The following TMCO5A variants were observed in gnomAD, a reference collection of about 807,000 sequenced individuals.
TMCO5A encodes the protein transmembrane and coiled-coil domains 5A.
Under a neutral mutation model 42.3 loss-of-function variants are expected in TMCO5A, and 34 were observed. That is an observed-to-expected ratio of 0.80 (90% CI 0.61 to 1.07). The LOEUF (loss-of-function observed/expected upper bound fraction) is 1.07, where lower values mean the gene tolerates loss of function less well. TMCO5A is among the 50% of genes least tolerant of loss of function. TMCO5A has a pLI of 0.00. For synonymous variants in TMCO5A, 131 were observed against 115.6 expected (o/e 1.13, Z -0.86); for missense variants, 357 against 327.9 (o/e 1.09, Z -0.69).
chr15:37,960,848 C>T (rs1890406413), intron 11 of TMCO5A, among the ~76,000 whole-genome samples: 1 of 152,104 alleles, frequency 6.6e-6, no homozygotes, highest in Non-Finnish European at 1.5e-5. Context: ...ATTGTCTATT[C>T]ATGCCCTTAG....
At chr15:37,980,622 A>G in the TMCO5A span, among the ~76,000 whole-genome samples, 1 of 118,428 alleles carries the variant, frequency 8.4e-6, no homozygotes, top group Non-Finnish European at 1.6e-5. Flanking sequence ...AGCCGCTTCT[A>G]GTCAGCCATC....
At chr15:37,991,731 A>G in the TMCO5A span, among the ~76,000 whole-genome samples, 1 of 152,254 alleles carries the variant, frequency 6.6e-6, no homozygotes, top group Middle Eastern at 3.4e-3. Context: ...ATCTTTGACA[A>G]AGCTGACAAA....
chr15:37,970,752 C>A (rs141822983), downstream of TMCO5A, among the ~76,000 whole-genome samples: 63 of 152,284 alleles, frequency 4.1e-4, no homozygotes, highest in Non-Finnish European at 8.2e-4. Context: ...GGCTACAGGC[C>A]CCATACAAGT....
At chr15:37,989,673 T>G in the TMCO5A span, among the ~76,000 whole-genome samples, 1 of 152,212 alleles carries the variant, frequency 6.6e-6, no homozygotes, top group Non-Finnish European at 1.5e-5. Flanking sequence ...AATACATTTG[T>G]GCTGCTATAA....
the TMCO5A span, among the ~76,000 whole-genome samples, chr15:38,010,598 G>A: frequency 6.6e-6 from 1 of 152,008 alleles, no homozygotes. Context: ...TGCTAACACC[G>A]TAATTTCAGC....
intron 11 of TMCO5A, among the ~76,000 whole-genome samples, chr15:37,959,037 T>C (rs145664027): frequency 0.016 from 2,429 of 151,796 alleles, 74 homozygotes; most frequent in African/African-American, 0.055. Context: ...CCAAACACCA[T>C]ATGTTCTCAC....
the TMCO5A span, among the ~76,000 whole-genome samples, chr15:38,018,614 T>TA: frequency 6.6e-6 from 1 of 151,704 alleles, no homozygotes; most frequent in Non-Finnish European, 1.5e-5. Flanking sequence ...AAGATAGGTC[T>TA]AAAAAATTCC....
the TMCO5A span, among the ~76,000 whole-genome samples, chr15:38,011,194 T>C: frequency 2.0e-5 from 3 of 152,296 alleles, no homozygotes; most frequent in Non-Finnish European, 4.4e-5. Context: ...AATCAAGATA[T>C]CGGCAGAGGC....
chr15:37,967,539 CAT>C (rs1890584321), exon 12 of TMCO5A: 1 of 152,066 alleles, frequency 6.6e-6, no homozygotes, highest in African/African-American at 2.4e-5. Flanking sequence ...AAGGAGGAAG[CAT>C]AGAGAGTAGA....
chr15:37,997,794 T>C, the TMCO5A span, among the ~76,000 whole-genome samples: 1 of 152,214 alleles, frequency 6.6e-6, no homozygotes, highest in Non-Finnish European at 1.5e-5. Context: ...CAAACTGTTC[T>C]CCATAGTGGA....
the TMCO5A span, among the ~76,000 whole-genome samples, chr15:37,982,988 C>T: frequency 6.6e-6 from 1 of 151,934 alleles, no homozygotes; most frequent in Non-Finnish European, 1.5e-5. Flanking sequence ...CTTTCCCCTC[C>T]TCATCGTAGC....
At chr15:37,937,570 TA>T (rs1236185528) in intron 5 of TMCO5A, among the ~76,000 whole-genome samples, 174 bp downstream of exon 5, 12 of 152,036 alleles carry the variant, frequency 7.9e-5, no homozygotes, top group African/African-American at 2.7e-4. Context: ...ACCTAAATGT[TA>T]GGGATTTTCT....
intron 7 of TMCO5A, 41 bp downstream of exon 7, chr15:37,941,246 G>A: frequency 6.3e-7 from 1 of 1,588,772 alleles, no homozygotes; most frequent in Non-Finnish European, 8.6e-7. Flanking sequence ...CCCAAAAAGG[G>A]AAATGTGATC....
the TMCO5A span, among the ~76,000 whole-genome samples, chr15:38,008,923 T>C: frequency 6.6e-6 from 1 of 152,016 alleles, no homozygotes; most frequent in Non-Finnish European, 1.5e-5. Flanking sequence ...AAACAAAAGC[T>C]CAAGAAATCA....
Position 37,951,144 on chromosome 15 carries a change from C to T in TMCO5A, c.777C>T (p.Pro259=), listed in dbSNP as rs201358156. The change falls in exon 12 of 12, where the codon CCC becomes CCT. Residue 259 remains proline (P), a synonymous_variant. Transcript: ENST00000319669. The stretch of plus-strand genomic sequence containing the variant: ...CAGATCTCCTCGTCAATGTACTGCC[C>T]AAGGTACTGGGCAGGAGCACCTTGT... The part of the protein sequence containing the change: ...INPDLLVNVL[P]KVLGRSTLWK... 1.1e-5 allele frequency: 17 copies of T among 1,613,778 alleles called. No homozygotes were observed. In the Admixed American group the frequency reaches 1.8e-4, roughly 17 times the overall value.
chr15:37,938,127 A>C (rs1889590778), intron 5 of TMCO5A, 31 bp from the exon 6 acceptor site: 1 of 1,534,088 alleles, frequency 6.5e-7, no homozygotes, highest in African/African-American at 1.4e-5. Flanking sequence ...TACACCTTTT[A>C]ATTTAGTATA....
the TMCO5A span, among the ~76,000 whole-genome samples, chr15:38,036,962 G>C: frequency 6.6e-6 from 1 of 152,134 alleles, no homozygotes. Flanking sequence ...AACAACTGGG[G>C]TATGTACCTC....
the TMCO5A span, among the ~76,000 whole-genome samples, chr15:37,977,876 A>ACC: frequency 2.0e-5 from 3 of 152,060 alleles, no homozygotes; most frequent in Non-Finnish European, 4.4e-5. Flanking sequence ...TGTGGGCTTA[A>ACC]CCTGGGGGCC....
chr15:38,014,650 G>A, the TMCO5A span, among the ~76,000 whole-genome samples: 6 of 151,716 alleles, frequency 4.0e-5, no homozygotes, highest in South Asian at 8.3e-4. Context: ...TTCTACCCCC[G>A]CAAGTTCTAC....
Sources: allele counts gnomAD v4.1 joint callset (sites outside exome capture counted in the v4.1 genomes callset), GRCh38; gene constraint gnomAD v4.1.1; transcripts MANE v1.5; gene names NCBI Gene and HGNC (gene_info 2026-07-23, HGNC 2026-07-21).